CLCN3: variants seen among roughly 807,000 people sequenced by gnomAD.
The protein encoded by CLCN3 is Cl-/H+ antiporter 3, also known as H(+)/Cl(-) exchange transporter 3.
Under a neutral mutation model 83.4 loss-of-function variants are expected in CLCN3, and 16 were observed. The ratio of observed to expected loss-of-function variants is 0.19; its 90% confidence interval spans 0.13 to 0.29. The LOEUF (loss-of-function observed/expected upper bound fraction) is 0.29, where lower values mean the gene tolerates loss of function less well. Ranked by LOEUF, CLCN3 falls within the 10% of genes least tolerant of loss-of-function variation. The probability of loss-of-function intolerance (pLI) is 1.00; values close to 1 mark genes in which losing one functional copy is unlikely to be tolerated. For synonymous variants in CLCN3, 322 were observed against 346.2 expected (o/e 0.93, Z 0.78); for missense variants, 544 against 1,006.0 (o/e 0.54, Z 6.21).
chr4:169,692,286 C>T lies in CLCN3; in HGVS notation c.902C>T (p.Pro301Leu), dbSNP rs773021475. 1 of 1,612,588 alleles carries T rather than the reference C, an allele frequency of 6.2e-7. No homozygotes were observed. Among genetic ancestry groups the T allele is most frequent in the South Asian group, 1.1e-5 (1 of 91,008 alleles). ...GGAAATATCTTTTCCTACCTCTTTC[C>T]AAAGTATAGCACAAACGAAGCTAAA... is the stretch of plus-strand genomic sequence containing the variant. ...CCGNIFSYLFPKYSTNEAKKR... is the reference protein window; with the variant it reads ...CCGNIFSYLFLKYSTNEAKKR... Residue 301 changes from proline to leucine, a missense_variant, in exon 7 of 13, where the codon CCA becomes CTA. By Grantham distance (98) the Pro-to-Leu change is moderately conservative (BLOSUM62 -3). Around this residue, in one of 6 missense-constraint regions of CLCN3, gnomAD observed 194 missense variants for 341.4 expected, o/e 0.57. Coordinates refer to ENST00000513761, the MANE Select transcript of CLCN3 (RefSeq NM_001829.4).
intron 6 of CLCN3, among the ~76,000 whole-genome samples, chr4:169,691,665 C>T (rs979383900): frequency 6.6e-6 from 1 of 152,106 alleles, no homozygotes; most frequent in African/African-American, 2.4e-5. Flanking sequence ...AGTTGTTACT[C>T]ATTCTTGATA....
intron 3 of CLCN3, among the ~76,000 whole-genome samples, chr4:169,686,838 G>A (rs1184417104): frequency 1.3e-5 from 2 of 152,188 alleles, no homozygotes; most frequent in Non-Finnish European, 1.5e-5. Context: ...TTGTGTTTTA[G>A]TATAGTGAGA....
intron 2 of CLCN3, among the ~76,000 whole-genome samples, chr4:169,679,421 A>T (rs1731834845): frequency 6.7e-6 from 1 of 149,698 alleles, no homozygotes; most frequent in Non-Finnish European, 1.5e-5. Context: ...GCGGCCGGGC[A>T]GAGGGGCTTC....
intron 1 of CLCN3, among the ~76,000 whole-genome samples, chr4:169,630,565 C>T (rs535220688): frequency 1.3e-5 from 2 of 151,292 alleles, no homozygotes; most frequent in Non-Finnish European, 2.9e-5. Flanking sequence ...GAGTCTTGTT[C>T]TGTCGCCCAG....
Position 169,658,478 on chromosome 4 carries a change from A to T in CLCN3, c.161-21572A>T, listed in dbSNP as rs1730951785. Among the ~76,000 whole-genome samples, 3 of 152,070 alleles carry T rather than the reference A, an allele frequency of 2.0e-5. No homozygotes were observed. The East Asian group carries it at 5.8e-4, about 29-fold the overall frequency. On this transcript the variant is annotated intron_variant, in intron 2 of 12. Transcript: ENST00000513761. ...ATAGATTTTCATTTTTTATGTAAAG[A>T]CATATAAGAACATGAATGGTATAAA...
intron 11 of CLCN3, among the ~76,000 whole-genome samples, chr4:169,710,394 T>A (rs555050377): frequency 2.1e-4 from 32 of 152,268 alleles, no homozygotes; most frequent in African/African-American, 7.5e-4. Context: ...CTCTCCTAAT[T>A]AGCTAGGACT....
At chr4:169,709,382 TAA>T (rs111680594) in intron 11 of CLCN3, among the ~76,000 whole-genome samples, 3 of 145,188 alleles carry the variant, frequency 2.1e-5, no homozygotes, top group Non-Finnish European at 4.6e-5. Flanking sequence ...GCTGAGACTT[TAA>T]AAAAAAAAAA....
At chr4:169,624,236 C>T (rs559627207) in intron 1 of CLCN3, among the ~76,000 whole-genome samples, 50 of 152,090 alleles carry the variant, frequency 3.3e-4, no homozygotes, top group Non-Finnish European at 4.0e-4. Context: ...TGGGTTCAAG[C>T]GATTCTCATG....
intron 3 of CLCN3, among the ~76,000 whole-genome samples, chr4:169,683,686 A>AT (rs1319858381): frequency 6.6e-6 from 1 of 151,826 alleles, no homozygotes; most frequent in African/African-American, 2.4e-5. Context: ...TATGAACAAG[A>AT]TTTTTTAAAG....
At chr4:169,673,825 T>C (rs1187160903) in intron 2 of CLCN3, among the ~76,000 whole-genome samples, 1 of 152,202 alleles carries the variant, frequency 6.6e-6, no homozygotes, top group Non-Finnish European at 1.5e-5. Context: ...TATATGCCAT[T>C]ATATGTAATA....
At chr4:169,660,890 AAAGT>A (rs1413901327) in intron 2 of CLCN3, among the ~76,000 whole-genome samples, 3 of 152,324 alleles carry the variant, frequency 2.0e-5, no homozygotes, top group Admixed American at 1.3e-4. Context: ...TTTACACCAC[AAAGT>A]AAATTTATAG....
intron 2 of CLCN3, among the ~76,000 whole-genome samples, chr4:169,679,573 C>T (rs1269698309): frequency 3.9e-5 from 6 of 152,268 alleles, no homozygotes; most frequent in South Asian, 4.1e-4. Context: ...GAGCCGAGAT[C>T]ACGCCACTGC....
Position 169,721,404 on chromosome 4 carries a change from T to C in CLCN3, c.*1407T>C, listed in dbSNP as rs1444013470. 1.3e-5 allele frequency: 2 copies of C among 152,224 alleles called. No homozygotes were observed. Among genetic ancestry groups the C allele is most frequent in the African/African-American group, 4.8e-5 (2 of 41,452 alleles). 9.4% of individuals were successfully genotyped at this position (152,224 alleles called of 1,614,324 possible). A position where few individuals can be genotyped will look rare whatever the true frequency, so the allele number is the denominator to read the frequency against. ...TCTCTGATCTTTCACTGCCATCCTCTGGATTATGTCTTCTGACCTGTCCAT... is the reference window on the plus strand; with the variant it reads ...TCTCTGATCTTTCACTGCCATCCTCCGGATTATGTCTTCTGACCTGTCCAT... On this transcript the variant is annotated 3_prime_UTR_variant, in exon 13 of 13. Coordinates refer to ENST00000513761, the MANE Select transcript of CLCN3 (RefSeq NM_001829.4).
intron 3 of CLCN3, among the ~76,000 whole-genome samples, chr4:169,683,744 A>AT (rs762304193): frequency 0.035 from 4,991 of 141,166 alleles, 146 homozygotes; most frequent in African/African-American, 0.087. Context: ...CTTAAAATTA[A>AT]TTTTTTTTTT....
At chr4:169,670,702 G>A (rs1002188774) in intron 2 of CLCN3, among the ~76,000 whole-genome samples, 3 of 152,114 alleles carry the variant, frequency 2.0e-5, no homozygotes, top group East Asian at 1.9e-4. Context: ...AAATTACTTC[G>A]GGCAGTATGG....
intron 1 of CLCN3, among the ~76,000 whole-genome samples, chr4:169,627,991 T>G (rs1043223244): frequency 6.6e-6 from 1 of 152,052 alleles, no homozygotes; most frequent in African/African-American, 2.4e-5. Flanking sequence ...CTGAAATAGA[T>G]CCACATAAAT....
At chr4:169,652,919 C>T (rs1730768606) in intron 2 of CLCN3, among the ~76,000 whole-genome samples, 1 of 152,142 alleles carries the variant, frequency 6.6e-6, no homozygotes, top group Non-Finnish European at 1.5e-5. Context: ...GGGTCATTTA[C>T]TCATTTTTCT....
intron 5 of CLCN3, among the ~76,000 whole-genome samples, 194 bp downstream of exon 5, chr4:169,689,424 T>A (rs528107604): frequency 6.6e-6 from 1 of 152,344 alleles, no homozygotes; most frequent in Non-Finnish European, 1.5e-5. Flanking sequence ...AACTGCATAG[T>A]CATATAACAA....
At chr4:169,653,482 A>T (rs1730792445) in intron 2 of CLCN3, among the ~76,000 whole-genome samples, 1 of 152,112 alleles carries the variant, frequency 6.6e-6, no homozygotes, top group East Asian at 1.9e-4. Context: ...TCTACTAAAA[A>T]TACAAAAAAT....
Sources: allele counts gnomAD v4.1 joint callset (sites outside exome capture counted in the v4.1 genomes callset), GRCh38; gene constraint gnomAD v4.1.1; regional missense constraint gnomAD v4.1.1; transcripts MANE v1.5; gene names NCBI Gene and HGNC (gene_info 2026-07-23, HGNC 2026-07-21).